Variants in GRIK1 observed in about 807,000 individuals in gnomAD.
The protein encoded by GRIK1 is glutamate ionotropic receptor kainate type subunit 1.
In GRIK1, 69 loss-of-function variants were observed where a neutral mutation model predicts 105.7. The observed-to-expected ratio is 0.65, with a 90% CI of 0.54 to 0.80. The LOEUF is 0.80. Among genes scored for constraint, GRIK1 ranks in the 30% least tolerant of loss-of-function variants. The pLI is 0.00. For missense variants in GRIK1, 1,109 were observed against 1,167.3 expected (o/e 0.95, Z 0.73); for synonymous variants, 438 against 431.3 (o/e 1.02, Z -0.19).
intron 1 of GRIK1, among the ~76,000 whole-genome samples, chr21:29,859,537 G>C (rs969248801): frequency 7.9e-5 from 12 of 152,142 alleles, no homozygotes; most frequent in African/African-American, 2.9e-4. Context: ...TTTCCAAGAA[G>C]TACTTGAATG....
At chr21:29,936,133 G>A (rs972866588) in intron 1 of GRIK1, among the ~76,000 whole-genome samples, 17 of 152,086 alleles carry the variant, frequency 1.1e-4, no homozygotes, top group African/African-American at 2.9e-4. Context: ...AATCACGGAC[G>A]TGGGAATCAA....
chr21:29,764,835 G>A (rs553482794), intron 1 of GRIK1, among the ~76,000 whole-genome samples: 68 of 152,188 alleles, frequency 4.5e-4, no homozygotes, highest in African/African-American at 1.4e-3. Context: ...TATTATAAAC[G>A]TGAATAAACT....
At chr21:29,894,435 GAGA>G (rs1206603633) in intron 1 of GRIK1, among the ~76,000 whole-genome samples, 2 of 152,170 alleles carry the variant, frequency 1.3e-5, no homozygotes, top group African/African-American at 4.8e-5. Flanking sequence ...TCCAGCATGG[GAGA>G]AGGATGAAGG....
Position 29,932,503 on chromosome 21 carries a change from A to G in GRIK1, c.118+6880T>C, listed in dbSNP as rs563843821. ...TCATAACTGAGATTATAAATTAAAT[A>G]TTTTTACTTCTTTCCTTTTTAAAAA... On this transcript the variant is annotated intron_variant, in intron 1 of 17. Transcript: ENST00000327783. 1.5e-3 allele frequency among the ~76,000 whole-genome samples: 222 copies of G among 152,192 alleles called. 3 individuals carry two copies. In the South Asian group the frequency reaches 0.043, roughly 29 times the overall value.
intron 16 of GRIK1, 50 bp from the exon 17 acceptor site, chr21:29,537,934 C>G (rs754884812): frequency 2.8e-4 from 241 of 866,822 alleles, no homozygotes; most frequent in South Asian, 1.0e-3. Context: ...ACATTTTCTC[C>G]AAAAAACAGA....
chr21:29,697,928 C>CTCTCTT (rs1555874557), intron 1 of GRIK1, among the ~76,000 whole-genome samples: 44 of 145,976 alleles, frequency 3.0e-4, no homozygotes, highest in African/African-American at 1.1e-3. Flanking sequence ...CTCTCTCTCT[C>CTCTCTT]TCTTTCTTTC....
intron 2 of GRIK1, among the ~76,000 whole-genome samples, chr21:29,693,277 G>T (rs887279296): frequency 6.6e-6 from 1 of 152,168 alleles, no homozygotes; most frequent in Non-Finnish European, 1.5e-5. Flanking sequence ...CCACAATTCC[G>T]AATGAATCTT....
At chr21:29,694,227 G>C (rs1039648186) in intron 1 of GRIK1, among the ~76,000 whole-genome samples, 164 bp from the exon 2 acceptor site, 13 of 148,218 alleles carry the variant, frequency 8.8e-5, no homozygotes, top group African/African-American at 3.2e-4. Flanking sequence ...GGGTTCAAGC[G>C]ATTCTCCTGC....
At chr21:29,831,128 C>T (rs868240022) in intron 1 of GRIK1, among the ~76,000 whole-genome samples, 2 of 152,158 alleles carry the variant, frequency 1.3e-5, no homozygotes, top group Admixed American at 6.6e-5. Context: ...GAAGCAGTTT[C>T]GGTAGATTTT....
chr21:29,773,216 C>T (rs1426968664), intron 1 of GRIK1, among the ~76,000 whole-genome samples: 1 of 152,140 alleles, frequency 6.6e-6, no homozygotes, highest in African/African-American at 2.4e-5. Flanking sequence ...AGTGTAAGTC[C>T]TTCTTCTGAA....
At chr21:29,762,007 C>G (rs1040962971) in intron 1 of GRIK1, among the ~76,000 whole-genome samples, 4 of 152,200 alleles carry the variant, frequency 2.6e-5, no homozygotes, top group Admixed American at 1.3e-4. Context: ...CTTGGCCTCC[C>G]AAGTGCTGGG....
intron 1 of GRIK1, among the ~76,000 whole-genome samples, chr21:29,933,505 C>T (rs1258485461): frequency 1.3e-5 from 2 of 152,092 alleles, no homozygotes. Flanking sequence ...TTTCAAAAAG[C>T]CTTTACTATA....
intron 1 of GRIK1, among the ~76,000 whole-genome samples, chr21:29,736,867 C>T (rs938107442): frequency 6.6e-6 from 1 of 151,620 alleles, no homozygotes; most frequent in African/African-American, 2.4e-5. Context: ...TTAGTAGAGA[C>T]GGGGTTTCAC....
chr21:29,690,028 G>C (rs369676938), intron 2 of GRIK1, 43 bp from the exon 3 acceptor site: 51 of 966,578 alleles, frequency 5.3e-5, no homozygotes, highest in Middle Eastern at 2.4e-4. Flanking sequence ...GGAGGGCAGG[G>C]AAAGGGGGAG....
At chr21:29,763,133 G>A (rs962610858) in intron 1 of GRIK1, among the ~76,000 whole-genome samples, 1 of 152,178 alleles carries the variant, frequency 6.6e-6, no homozygotes, top group Admixed American at 6.5e-5. Context: ...GAGGGATCTG[G>A]TGGGAAGTGA....
intron 14 of GRIK1, among the ~76,000 whole-genome samples, chr21:29,564,262 C>T (rs953642114): frequency 1.4e-4 from 22 of 151,832 alleles, no homozygotes; most frequent in African/African-American, 5.1e-4. Context: ...ATTCTCCTGC[C>T]TCAGCCTCCC....
intron 1 of GRIK1, among the ~76,000 whole-genome samples, chr21:29,808,032 C>T (rs1468792356): frequency 6.6e-6 from 1 of 152,122 alleles, no homozygotes; most frequent in Non-Finnish European, 1.5e-5. Context: ...GATCACTGAA[C>T]ACTCAGGATT....
intron 16 of GRIK1, among the ~76,000 whole-genome samples, chr21:29,550,107 CAAAAAAAA>C (rs34939329): frequency 1.5e-4 from 8 of 53,476 alleles, no homozygotes; most frequent in African/African-American, 6.0e-4. Context: ...GACTCCATCT[CAAAAAAAA>C]AAAAAAAAAA....
At chr21:29,766,006 C>T (rs555070310) in intron 1 of GRIK1, among the ~76,000 whole-genome samples, 27 of 152,140 alleles carry the variant, frequency 1.8e-4, no homozygotes, top group South Asian at 6.3e-4. Flanking sequence ...CGCCCGCCAC[C>T]ACGCCCGGCT....
Sources: allele counts gnomAD v4.1 joint callset (sites outside exome capture counted in the v4.1 genomes callset), GRCh38; gene constraint gnomAD v4.1.1; transcripts MANE v1.5; gene names NCBI Gene and HGNC (gene_info 2026-07-23, HGNC 2026-07-21).